C12orf56: variants seen among roughly 807,000 people sequenced by gnomAD.
The protein encoded by C12orf56 is chromosome 12 open reading frame 56.
Under a neutral mutation model 69.9 loss-of-function variants are expected in C12orf56, and 71 were observed. The observed-to-expected ratio is 1.02, with a 90% CI of 0.84 to 1.24. The LOEUF (loss-of-function observed/expected upper bound fraction) is 1.24, where lower values mean the gene tolerates loss of function less well. Ranked by LOEUF, C12orf56 falls within the 50% of genes most tolerant of loss-of-function variation. The pLI is 0.00. For synonymous variants in C12orf56, 276 were observed against 274.1 expected, an observed-to-expected ratio of 1.01 and a Z score of -0.07; for missense variants, 732 against 738.5, an observed-to-expected ratio of 0.99 and a Z score of 0.10.
intron 1 of C12orf56, among the ~76,000 whole-genome samples, chr12:64,365,283 G>A (rs1403937663): frequency 6.7e-6 from 1 of 150,222 alleles, no homozygotes; most frequent in African/African-American, 2.4e-5. Context: ...TCCTGCTTCA[G>A]CCTCCCGAGT....
chr12:64,386,867 T>C (rs1479164747), intron 1 of C12orf56, among the ~76,000 whole-genome samples: 1 of 150,370 alleles, frequency 6.7e-6, no homozygotes. Context: ...GGCCAGGTGG[T>C]CAGGAGTTTG....
At chr12:64,310,664 TTTATATATTCA>T (rs1160054506) in intron 5 of C12orf56, among the ~76,000 whole-genome samples, 1 of 152,136 alleles carries the variant, frequency 6.6e-6, no homozygotes, top group Non-Finnish European at 1.5e-5. Flanking sequence ...CTTCTGAATT[TTTATATATTCA>T]TTATGTTTCA....
In C12orf56 at chr12:64,299,407, A is replaced by G. The variant is rs190250813; in HGVS notation, c.1113+4228T>C. Among the ~76,000 whole-genome samples the G allele has an allele frequency of 2.3e-3, 353 of 152,286 alleles. 2 individuals are homozygous for G. Among genetic ancestry groups the G allele is most frequent in the African/African-American group, 8.1e-3 (337 of 41,566 alleles). Reference sequence around the variant, plus strand: ...TCACTTTGGCCTTTCATTTTTGATAACTGAATTAGAAGATTTGTTTTAGCC... The same window carrying G: ...TCACTTTGGCCTTTCATTTTTGATAGCTGAATTAGAAGATTTGTTTTAGCC... On this transcript the variant is annotated intron_variant, in intron 6 of 12. Coordinates refer to ENST00000543942, the MANE Select transcript of C12orf56 (RefSeq NM_001170633.2).
chr12:64,390,177 C>T, intron 1 of C12orf56, 137 bp downstream of exon 1: 1 of 1,182,604 alleles, frequency 8.5e-7, no homozygotes, highest in Non-Finnish European at 1.1e-6. Context: ...TCCCTGTGTT[C>T]CTCGTTCTCA....
At chr12:64,308,955 GA>G (rs1266309361) in intron 5 of C12orf56, among the ~76,000 whole-genome samples, 2 of 105,684 alleles carry the variant, frequency 1.9e-5, no homozygotes, top group Non-Finnish European at 4.0e-5. Context: ...AAGAAAGAAA[GA>G]AAGAAAGAAA....
intron 3 of C12orf56, among the ~76,000 whole-genome samples, chr12:64,319,393 G>A (rs139161125): frequency 1.3e-5 from 2 of 152,136 alleles, no homozygotes; most frequent in Non-Finnish European, 2.9e-5. Flanking sequence ...GAAGAGAGGG[G>A]TTTTGTTTGT....
At chr12:64,273,297 C>CAAAAAAAAAAAAAAA (rs201066197) in intron 11 of C12orf56, among the ~76,000 whole-genome samples, 1 of 139,894 alleles carries the variant, frequency 7.1e-6, no homozygotes, top group African/African-American at 2.9e-5. Flanking sequence ...GACTCTGTCT[C>CAAAAAAAAAAAAAAA]AAAAAAAAAA....
intron 5 of C12orf56, among the ~76,000 whole-genome samples, chr12:64,309,570 G>A (rs1422132293): frequency 6.6e-6 from 1 of 152,070 alleles, no homozygotes; most frequent in Non-Finnish European, 1.5e-5. Flanking sequence ...TGGTGCAGTG[G>A]TGCCATCTCA....
At chr12:64,386,889 A>G (rs112544533) in intron 1 of C12orf56, among the ~76,000 whole-genome samples, 49,493 of 140,014 alleles carry the variant, frequency 0.35, 8,955 homozygotes, top group East Asian at 0.6. Context: ...GACCAGCCTG[A>G]CCAACATGGC....
chr12:64,388,270 A>G (rs952739830), intron 1 of C12orf56, among the ~76,000 whole-genome samples: 9 of 151,428 alleles, frequency 5.9e-5, no homozygotes, highest in Non-Finnish European at 1.0e-4. Context: ...TTGTTTAGAG[A>G]CAGTCTAGCT....
At chr12:64,343,834 T>C (rs1290975002) in intron 2 of C12orf56, among the ~76,000 whole-genome samples, 1 of 152,216 alleles carries the variant, frequency 6.6e-6, no homozygotes, top group Non-Finnish European at 1.5e-5. Flanking sequence ...GAGGCAGCTC[T>C]AATGGCTTCC....
chr12:64,276,796 C>A (rs923955583), intron 9 of C12orf56, among the ~76,000 whole-genome samples: 2 of 151,726 alleles, frequency 1.3e-5, no homozygotes, highest in African/African-American at 2.4e-5. Flanking sequence ...GGATTTGAAA[C>A]CAACCTGGGT....
chr12:64,345,943 A>G (rs2039135332), intron 2 of C12orf56, among the ~76,000 whole-genome samples: 1 of 152,174 alleles, frequency 6.6e-6, no homozygotes, highest in Non-Finnish European at 1.5e-5. Context: ...TGCTCTCCAT[A>G]CTATTAGAAG....
intron 3 of C12orf56, among the ~76,000 whole-genome samples, chr12:64,322,675 G>C (rs923360728): frequency 7.9e-5 from 12 of 152,080 alleles, no homozygotes; most frequent in African/African-American, 2.9e-4. Flanking sequence ...CCTTCTTGTG[G>C]CCTGCAGCTT....
chr12:64,357,982 A>G (rs2039342893), intron 1 of C12orf56, among the ~76,000 whole-genome samples: 1 of 152,212 alleles, frequency 6.6e-6, no homozygotes, highest in African/African-American at 2.4e-5. Flanking sequence ...CATCACTGTA[A>G]GGTGATATGT....
In C12orf56 at chr12:64,312,700, A is replaced by G. The variant is rs759173176; in HGVS notation, c.947T>C (p.Ile316Thr). The change falls in exon 5 of 13, where the codon ATT becomes ACT. Residue 316 changes from isoleucine (I) to threonine (T), a missense_variant. Physicochemically the swap from Ile to Thr is moderately conservative, Grantham distance 89. Transcript: ENST00000543942. ...PFYASEFSPA[I>T]GSQKPYRSEE... ...TTACCTATATGGCTTTTGACTTCCA[A>G]TAGCAGGACTGAACTCACTAGCATA... is the stretch of plus-strand genomic sequence containing the variant. 4.6e-6 allele frequency: 7 copies of G among 1,536,460 alleles called. No homozygotes were observed. The highest frequency in any genetic ancestry group is 1.4e-5 in the African/African-American group (1 of 73,010).
At chr12:64,352,781 G>T in intron 2 of C12orf56, 113 bp downstream of exon 2, 1 of 966,888 alleles carries the variant, frequency 1.0e-6, no homozygotes. Context: ...TGCGTGATAG[G>T]AACCTGGATT....
intron 2 of C12orf56, chr12:64,338,304 T>C: frequency 2.0e-6 from 1 of 508,028 alleles, no homozygotes. Context: ...CCATTATATA[T>C]CTCAACTCCA....
intron 1 of C12orf56, among the ~76,000 whole-genome samples, chr12:64,358,476 A>ATCATCATCATCATCATCATC (rs1565773410): frequency 4.7e-5 from 1 of 21,150 alleles, no homozygotes; most frequent in Non-Finnish European, 2.0e-4. Context: ...TAATAATAAT[A>ATCATCATCATCATCATCATC]ATAATAATCA....
Sources: allele counts gnomAD v4.1 joint callset (sites outside exome capture counted in the v4.1 genomes callset), GRCh38; gene constraint gnomAD v4.1.1; transcripts MANE v1.5; gene names NCBI Gene and HGNC (gene_info 2026-07-23, HGNC 2026-07-21).